The following TRAK2 variants were observed in gnomAD, a reference collection of about 807,000 sequenced individuals.
TRAK2 encodes trafficking kinesin-binding protein 2.
Under a neutral mutation model 104.6 loss-of-function variants are expected in TRAK2, and 81 were observed. The observed-to-expected ratio is 0.77, with a 90% CI of 0.65 to 0.93. The LOEUF (loss-of-function observed/expected upper bound fraction) is 0.93. TRAK2 is among the 40% of genes least tolerant of loss of function. TRAK2 has a pLI of 0.00. For synonymous variants in TRAK2, 406 were observed against 394.4 expected (o/e 1.03, Z -0.35); for missense variants, 1,002 against 1,089.0 (o/e 0.92, Z 1.12).
chr2:201,406,090 ATC>A (rs1314281790), intron 3 of TRAK2, among the ~76,000 whole-genome samples: 1 of 152,252 alleles, frequency 6.6e-6, no homozygotes, highest in Non-Finnish European at 1.5e-5. Context: ...TTCCAGAAAA[ATC>A]TCAAGCAAGC....
At chr2:201,428,783 A>C (rs959257310) in intron 1 of TRAK2, among the ~76,000 whole-genome samples, 3 of 152,014 alleles carry the variant, frequency 2.0e-5, no homozygotes, top group African/African-American at 7.3e-5. Context: ...CACGATGTTG[A>C]TTTTTCCTAT....
At position 201,380,517 on chromosome 2, in the gene TRAK2, A is replaced by G. The variant is rs1316549335; in HGVS notation, c.*26T>C. ...ATCTATCCTTCATGTGCTAACTTGTATAAAAGGTCAGTTAACTGCTGAACC... is the reference window on the plus strand; with the variant it reads ...ATCTATCCTTCATGTGCTAACTTGTGTAAAAGGTCAGTTAACTGCTGAACC... On this transcript the variant is annotated 3_prime_UTR_variant, in exon 16 of 16. Transcript: ENST00000332624. 3 of 1,606,422 alleles carry G rather than the reference A, an allele frequency of 1.9e-6. No homozygotes were observed. Among genetic ancestry groups the G allele is most frequent in the Admixed American group, 3.4e-5 (2 of 59,462 alleles).
chr2:201,411,078 A>G (rs749869422), intron 2 of TRAK2: 34 of 1,167,272 alleles, frequency 2.9e-5, no homozygotes, highest in Non-Finnish European at 4.2e-5. Flanking sequence ...GTCAATGCCC[A>G]TGGAAGGAAC....
chr2:201,433,855 C>A (rs544894404), intron 1 of TRAK2, among the ~76,000 whole-genome samples: 4 of 152,354 alleles, frequency 2.6e-5, no homozygotes, highest in African/African-American at 7.2e-5. Flanking sequence ...AACAACAATC[C>A]TCTGCCAAAA....
At chr2:201,435,927 C>T (rs1951877478) in intron 1 of TRAK2, among the ~76,000 whole-genome samples, 1 of 152,076 alleles carries the variant, frequency 6.6e-6, no homozygotes, top group Admixed American at 6.6e-5. Flanking sequence ...TTGGCTTCCC[C>T]ATATGAAACC....
chr2:201,380,386 T>C lies in TRAK2; in HGVS notation c.*157A>G. ...TTTGCCCGACTTCCTCCATTAGGGCTCATCCCAATTTTATTTCCATTCCTC... is the reference window on the plus strand; with the variant it reads ...TTTGCCCGACTTCCTCCATTAGGGCCCATCCCAATTTTATTTCCATTCCTC... On this transcript the variant is annotated 3_prime_UTR_variant, in exon 16 of 16. Transcript: ENST00000332624. The C allele has an allele frequency of 1.3e-6, 1 of 771,044 alleles. No homozygotes were observed. The highest frequency in any genetic ancestry group is 2.1e-6 in the Non-Finnish European group (1 of 484,182). The allele number at this position is 771,044 out of a possible 1,614,324, so 47.8% of individuals were successfully genotyped here. A position where few individuals can be genotyped will look rare whatever the true frequency, so the allele number is the denominator to read the frequency against.
At chr2:201,395,251 G>T in intron 8 of TRAK2, 63 bp downstream of exon 8, 1 of 1,417,858 alleles carries the variant, frequency 7.1e-7, no homozygotes, top group Non-Finnish European at 9.8e-7. Context: ...CTAGCACTTA[G>T]CATGGTGCAA....
intron 2 of TRAK2, chr2:201,411,481 C>T (rs1475164370): frequency 4.0e-6 from 3 of 744,016 alleles, no homozygotes; most frequent in Non-Finnish European, 7.6e-6. Context: ...TTCTGTTGTT[C>T]TTGCATTATA....
At position 201,412,612 on chromosome 2, in the gene TRAK2, G is replaced by A. The variant is rs954395291; in HGVS notation, c.92-5015C>T. The stretch of plus-strand genomic sequence containing the variant: ...GCTCACATAAAGTATGTATTCAGGA[G>A]GCAAATATTCAGGATTTGGAAGACA... On this transcript the variant is annotated intron_variant, in intron 2 of 15. Transcript: ENST00000332624. 9 of 1,543,584 alleles carry A rather than the reference G, an allele frequency of 5.8e-6. No homozygotes were observed. The African/African-American group carries it at 1.2e-4, about 21-fold the overall frequency.
At chr2:201,433,160 A>G (rs1034223802) in intron 1 of TRAK2, among the ~76,000 whole-genome samples, 12 of 152,242 alleles carry the variant, frequency 7.9e-5, no homozygotes, top group Admixed American at 4.6e-4. Flanking sequence ...AGACTCTATC[A>G]TGGCTTCAGT....
Position 201,393,013 on chromosome 2 carries a change from G to T in TRAK2, c.1009C>A (p.Leu337Ile). Residue 337 changes from leucine (L) to isoleucine (I), a missense_variant, in exon 10 of 16, where the codon CTA (leucine) becomes ATA (isoleucine). By Grantham distance (5) the Leu-to-Ile change is conservative (BLOSUM62 2). Transcript: ENST00000332624. ...HELQDRNMEC[L>I]GMLHESQEEI... ...TCTTGGGATTCATGTAACATTCCTA[G>T]ACACTCCATATTCCTGTCTTGTAAC... The T allele has an allele frequency of 6.2e-7, 1 of 1,613,506 alleles. No homozygotes were observed. The highest frequency in any genetic ancestry group is 8.5e-7 in the Non-Finnish European group (1 of 1,179,736).
Position 201,378,989 on chromosome 2 carries a change from G to A in TRAK2, c.*1554C>T, listed in dbSNP as rs1231094848. 1 of 152,104 alleles carries A rather than the reference G, an allele frequency of 6.6e-6. No individual in the cohort carries two copies. Among genetic ancestry groups the A allele is most frequent in the African/African-American group, 2.4e-5 (1 of 41,416 alleles). The allele number at this position is 152,104 out of a possible 1,614,324, so 9.4% of individuals were successfully genotyped here. A position where few individuals can be genotyped will look rare whatever the true frequency, so the allele number is the denominator to read the frequency against. ...AGAGTCAAGAGTTCTTCAGAAAACT[G>A]CCTTTAAGTCAGGACAAAGGAACAA... On this transcript the variant is annotated 3_prime_UTR_variant, in exon 16 of 16. Coordinates refer to ENST00000332624, the MANE Select transcript of TRAK2 (RefSeq NM_015049.3).
Position 201,418,914 on chromosome 2 carries a change from A to G in TRAK2, c.91+1503T>C, listed in dbSNP as rs149377608. Reference sequence around the variant, plus strand: ...AAACCGCTCTTCAAAAGACACCAGTAAGAAGATGAAAAGGCAAGCCAAAGT... The same window carrying G: ...AAACCGCTCTTCAAAAGACACCAGTGAGAAGATGAAAAGGCAAGCCAAAGT... On this transcript the variant is annotated intron_variant, in intron 2 of 15. Coordinates refer to ENST00000332624, the MANE Select transcript of TRAK2 (RefSeq NM_015049.3). Among the ~76,000 whole-genome samples, 8 of 152,358 alleles carry G rather than the reference A, an allele frequency of 5.3e-5. No individual in the cohort carries two copies. The East Asian group carries it at 1.5e-3, about 29-fold the overall frequency.
At chr2:201,388,105 CATG>C (rs1163522034) in intron 12 of TRAK2, 104 bp from the exon 13 acceptor site, 1 of 1,242,782 alleles carries the variant, frequency 8.0e-7, no homozygotes, top group Non-Finnish European at 1.2e-6. Context: ...ATATTAAAAA[CATG>C]ATATTTTCCT....
chr2:201,412,388 T>A, intron 2 of TRAK2: 1 of 1,332,996 alleles, frequency 7.5e-7, no homozygotes, highest in Non-Finnish European at 1.1e-6. Context: ...GGAGTTACAT[T>A]TAACAGTAGC....
intron 1 of TRAK2, among the ~76,000 whole-genome samples, chr2:201,442,347 C>G (rs968668196): frequency 6.6e-6 from 1 of 150,666 alleles, no homozygotes; most frequent in Non-Finnish European, 1.5e-5. Flanking sequence ...GCCGAGTTCG[C>G]ACCACTGCAC....
At chr2:201,421,466 T>C (rs538888707) in intron 1 of TRAK2, among the ~76,000 whole-genome samples, 35 of 152,290 alleles carry the variant, frequency 2.3e-4, no homozygotes, top group Admixed American at 7.2e-4. Context: ...ATCATGTGCA[T>C]TGTAGGATCT....
At chr2:201,413,358 G>T in intron 2 of TRAK2, 1 of 831,752 alleles carries the variant, frequency 1.2e-6, no homozygotes. Context: ...CCTTCCAGGA[G>T]GGGCAGAACT....
intron 1 of TRAK2, among the ~76,000 whole-genome samples, chr2:201,428,454 G>C (rs2125657837): frequency 6.6e-6 from 1 of 152,264 alleles, no homozygotes. Context: ...GTTTTTGTCA[G>C]GTTTGTCAAA....
Sources: allele counts gnomAD v4.1 joint callset (sites outside exome capture counted in the v4.1 genomes callset), GRCh38; gene constraint gnomAD v4.1.1; transcripts MANE v1.5; gene names NCBI Gene and HGNC (gene_info 2026-07-23, HGNC 2026-07-21).